The following ATP1A3 variants were observed in gnomAD, a reference collection of about 807,000 sequenced individuals.
The protein encoded by ATP1A3 is ATPase Na+/K+ transporting subunit alpha 3.
Under a neutral mutation model 108.8 loss-of-function variants are expected in ATP1A3, and 12 were observed. The observed-to-expected ratio is 0.11, with a 90% confidence interval of 0.07 to 0.18. ATP1A3 has a LOEUF of 0.18. Ranked by LOEUF, ATP1A3 falls within the 10% of genes least tolerant of loss-of-function variation. ATP1A3 has a pLI of 1.00. For missense variants in ATP1A3, 498 were observed against 1,387.7 expected (o/e 0.36, Z 10.19); for synonymous variants, 539 against 564.5 (o/e 0.95, Z 0.64).
chr19:41,993,265 A>T, intron 1 of ATP1A3: 1 of 854,710 alleles, frequency 1.2e-6, no homozygotes, highest in Non-Finnish European at 1.8e-6. Flanking sequence ...GGGAGGCGGC[A>T]TCTGCTGGAG....
chr19:41,967,150 G>T lies in ATP1A3; in HGVS notation c.3013+99C>A. On this transcript the variant is annotated intron_variant, in intron 22 of 22. Transcript: ENST00000648268. This position sits in a 1 kb window ranked among gnomAD's most constrained non-coding sequence, Gnocchi z 4.2. ...GAAGAGAGAGAAGAGTGGGAACCAG[G>T]TGGCAGAGCCATCCAGCAGGGCGAG... 6.3e-7 allele frequency: 1 copy of T among 1,585,888 alleles called. No homozygotes were observed. Among genetic ancestry groups the T allele is most frequent in the Non-Finnish European group, 8.6e-7 (1 of 1,166,268 alleles).
intron 1 of ATP1A3, chr19:41,993,546 C>G: frequency 3.9e-6 from 3 of 769,384 alleles, no homozygotes; most frequent in Non-Finnish European, 5.6e-6. Flanking sequence ...CACACACACA[C>G]ACACTGCGGA....
chr19:41,989,914 A>AT (rs2075320874), intron 1 of ATP1A3, among the ~76,000 whole-genome samples: 1 of 149,908 alleles, frequency 6.7e-6, no homozygotes, highest in South Asian at 2.1e-4. Flanking sequence ...TCTTTCTATG[A>AT]TTTTGTCTCT....
chr19:41,975,033 T>G (rs2145958270), intron 16 of ATP1A3, among the ~76,000 whole-genome samples: 1 of 151,194 alleles, frequency 6.6e-6, no homozygotes. Flanking sequence ...GTCCCTGGCT[T>G]CCCCCTGGTT....
Position 41,981,548 on chromosome 19 carries a change from T to C in ATP1A3, c.1391A>G (p.Asn464Ser), listed in dbSNP as rs993437557. The C allele has an allele frequency of 1.2e-6, 2 of 1,614,088 alleles. No individual in the cohort carries two copies. Among genetic ancestry groups the C allele is most frequent in the Admixed American group, 1.7e-5 (1 of 60,008 alleles). Reference sequence around the variant, plus strand: ...GAAGGGAATCTCAGCCACTTTCTTGTTGCGTTCACGCATCAGCTTCACGGA... The same window carrying C: ...GAAGGGAATCTCAGCCACTTTCTTGCTGCGTTCACGCATCAGCTTCACGGA... ...SGSVKLMRER[N>S]KKVAEIPFNS... is the part of the protein sequence containing the mutation. Residue 464 changes from asparagine (N) to serine (S), a missense_variant, in exon 11 of 23, where the codon AAC becomes AGC. Coordinates refer to ENST00000648268, the MANE Select transcript of ATP1A3 (RefSeq NM_152296.5). The surrounding 1 kb of genome is among the most constrained non-coding windows in gnomAD (Gnocchi z 5.0).
intron 11 of ATP1A3, among the ~76,000 whole-genome samples, chr19:41,980,217 G>C (rs2075215245): frequency 6.6e-6 from 1 of 152,240 alleles, no homozygotes. Context: ...TCTAGAACCA[G>C]AGCGTAAGTC....
chr19:41,976,355 G>T lies in ATP1A3; in HGVS notation c.2094+61C>A, dbSNP rs900293212. On this transcript the variant is annotated intron_variant, in intron 15 of 22. Coordinates refer to ENST00000648268, the MANE Select transcript of ATP1A3 (RefSeq NM_152296.5). ...CCTCAGACCCAGGAAACCAGGCCCC[G>T]GCCTCAGTGAGGACCCAGGAGTCAA... is the stretch of plus-strand genomic sequence containing the variant. 7.5e-6 allele frequency: 12 copies of T among 1,595,968 alleles called. No individual in the cohort carries two copies. The East Asian group carries it at 1.1e-4, about 15-fold the overall frequency.
At position 41,975,777 on chromosome 19, in the gene ATP1A3, G is replaced by A. The variant is rs371962113; in HGVS notation, c.2115C>T (p.Thr705=). ...CGGGGGAGTCGTTCACACCATCCCC[G>A]GTCACAGCCACAATTGCACCCTGGA... ...CQRQGAIVAV[T]GDGVNDSPAL... Residue 705 remains threonine, a synonymous_variant, in exon 16 of 23, where the codon ACC becomes ACT. Transcript: ENST00000648268. 4.4e-5 allele frequency: 71 copies of A among 1,613,946 alleles called. No homozygotes were observed. The African/African-American group carries it at 5.1e-4, about 12-fold the overall frequency.
rs553948253 is a variant in ATP1A3 at position 41,975,883 on chromosome 19, CCCT to C, written c.2095-89_2095-87del. On this transcript the variant is annotated intron_variant, in intron 15 of 22. Coordinates refer to ENST00000648268, the MANE Select transcript of ATP1A3 (RefSeq NM_152296.5). Reference sequence around the variant, plus strand: ...GATCCAGAAGCCCAGGACCCCAGCCCCCTCCTCCTTCAGACCTAGAAGTTCAGG... The same window carrying C: ...GATCCAGAAGCCCAGGACCCCAGCCCCCTCCTTCAGACCTAGAAGTTCAGG... The C allele has an allele frequency of 1.2e-4, 185 of 1,567,750 alleles. No homozygotes were observed. The South Asian group carries it at 1.9e-3, about 16-fold the overall frequency.
Position 41,975,935 on chromosome 19 carries a change from G to C in ATP1A3, c.2095-138C>G. Reference sequence around the variant, plus strand: ...GGTCCCCAACCTCCTCTTCCCCTCAGACCTAGGAGTTCAGGCCTCCAGACC... The same window carrying C: ...GGTCCCCAACCTCCTCTTCCCCTCACACCTAGGAGTTCAGGCCTCCAGACC... On this transcript the variant is annotated intron_variant, in intron 15 of 22. Transcript: ENST00000648268. 3 of 1,214,514 alleles carry C rather than the reference G, an allele frequency of 2.5e-6. No homozygotes were observed. In the East Asian group the frequency reaches 7.3e-5, roughly 30 times the overall value. 75.2% of individuals were successfully genotyped at this position (1,214,514 alleles called of 1,614,324 possible).
intron 11 of ATP1A3, among the ~76,000 whole-genome samples, chr19:41,980,116 G>A (rs2075214068): frequency 1.3e-5 from 2 of 152,234 alleles, no homozygotes; most frequent in Non-Finnish European, 2.9e-5. Flanking sequence ...CCTGCTACCG[G>A]AGCGCTCTTC....
rs143547136 is a variant in ATP1A3 at position 41,987,936 on chromosome 19, G to A, written c.357C>T (p.Asn119=). The change falls in exon 4 of 23, where the codon AAC becomes AAT. Residue 119 remains asparagine, a splice_region_variant and synonymous_variant. Transcript: ENST00000648268. ...CACAGGGCAGGGTCCAGGCACTCAC[G>A]TTGTCACCAGAGGGGTCGTCCTCGG... ...AGTEDDPSGD[N]LYLGIVLAAV... 2.2e-3 allele frequency: 3,601 copies of A among 1,613,566 alleles called. 16 individuals are homozygous for A. Among genetic ancestry groups the A allele is most frequent in the South Asian group, 9.1e-3 (833 of 91,070 alleles).
chr19:41,967,282 T>A lies in ATP1A3; in HGVS notation c.2980A>T (p.Ile994Phe), dbSNP rs1555858834. ...TTCCTGCGCAGGATGAGTTTGCGGA[T>A]TTCGTCGTAGACGAAGATGAGGAAA... ...YSFLIFVYDE[I>F]RKLILRRNPG... Residue 994 changes from isoleucine (I) to phenylalanine (F), a missense_variant, in exon 22 of 23, where the codon ATC becomes TTC. Ile to Phe is a conservative substitution (Grantham distance 21). Around this residue, in one of 9 missense-constraint regions of ATP1A3, gnomAD observed 29 missense variants for 41.0 expected, o/e 0.71. Transcript: ENST00000648268. The surrounding 1 kb of genome is among the most constrained non-coding windows in gnomAD (Gnocchi z 4.2). The A allele has an allele frequency of 6.2e-7, 1 of 1,613,746 alleles. No individual in the cohort carries two copies. Among genetic ancestry groups the A allele is most frequent in the Non-Finnish European group, 8.5e-7 (1 of 1,180,004 alleles).
At position 41,984,867 on chromosome 19, in the gene ATP1A3, G is replaced by A. The variant is rs113311604; in HGVS notation, c.993+51C>T. On this transcript the variant is annotated intron_variant, in intron 8 of 22. Coordinates refer to ENST00000648268, the MANE Select transcript of ATP1A3 (RefSeq NM_152296.5). ...CCAGCCCCTCCTCCCTCAGACCCAG[G>A]AGCCCAGACCCCCAGGCCCTCCCCA... 1.5e-4 allele frequency: 238 copies of A among 1,574,330 alleles called. 2 individuals are homozygous for A. In the African/African-American group the frequency reaches 2.6e-3, roughly 17 times the overall value.
chr19:41,979,642 C>T (rs1005613149), intron 11 of ATP1A3, among the ~76,000 whole-genome samples: 7 of 152,068 alleles, frequency 4.6e-5, no homozygotes, highest in Admixed American at 1.3e-4. Context: ...CCAGAATAGG[C>T]AAAACCATAC....
At chr19:41,986,799 G>C (rs1422540048) in intron 4 of ATP1A3, 1 of 146,772 alleles carries the variant, frequency 6.8e-6, no homozygotes, top group Non-Finnish European at 1.4e-5. Context: ...ATGGAGTACA[G>C]TGGCACAATC....
In ATP1A3 at chr19:41,967,250, C is replaced by T. The variant is rs2075052957; in HGVS notation, c.3012G>A (p.Gly1004=). 7 of 1,614,076 alleles carry T rather than the reference C, an allele frequency of 4.3e-6. No homozygotes were observed. The highest frequency in any genetic ancestry group is 5.1e-6 in the Non-Finnish European group (6 of 1,180,018). The change falls in exon 22 of 23, where the codon GGG becomes GGA. Residue 1004 remains glycine, a splice_region_variant and synonymous_variant. Coordinates refer to ENST00000648268, the MANE Select transcript of ATP1A3 (RefSeq NM_152296.5). This position sits in a 1 kb window ranked among gnomAD's most constrained non-coding sequence, Gnocchi z 4.2. ...IRKLILRRNP[G]GWVEKETYY is the part of the protein sequence containing the mutation. ...GGCTGCCTTGCCGAGCTCCCTCACCCCCTGGGTTCCTGCGCAGGATGAGTT... is the reference window on the plus strand; with the variant it reads ...GGCTGCCTTGCCGAGCTCCCTCACCTCCTGGGTTCCTGCGCAGGATGAGTT...
chr19:41,969,371 G>A, intron 19 of ATP1A3, 64 bp downstream of exon 19: 1 of 1,612,384 alleles, frequency 6.2e-7, no homozygotes, highest in African/African-American at 1.3e-5. Flanking sequence ...GGCCATGCAT[G>A]GCTGGAACAG....
intron 1 of ATP1A3, among the ~76,000 whole-genome samples, chr19:41,990,192 CCTCTCTCTGTCT>C (rs764707472): frequency 7.2e-5 from 11 of 151,836 alleles, no homozygotes; most frequent in East Asian, 1.9e-4. Flanking sequence ...CCTGTTTCAA[CCTCTCTCTGTCT>C]CTCTCTCTGT....
Sources: allele counts gnomAD v4.1 joint callset (sites outside exome capture counted in the v4.1 genomes callset), GRCh38; gene constraint gnomAD v4.1.1; regional missense constraint gnomAD v4.1.1; non-coding constraint Gnocchi (gnomAD v3.1); transcripts MANE v1.5; gene names NCBI Gene and HGNC (gene_info 2026-07-23, HGNC 2026-07-21).